AGBL1: variants seen among roughly 807,000 people sequenced by gnomAD.
AGBL1 encodes the protein cytosolic carboxypeptidase 4.
A neutral mutation model predicts 118.9 loss-of-function variants in AGBL1; 130 were observed. The observed-to-expected ratio is 1.09, with a 90% CI of 0.95 to 1.26. The LOEUF (loss-of-function observed/expected upper bound fraction) is 1.26. Among genes scored for constraint, AGBL1 ranks in the 50% most tolerant of loss-of-function variants. The pLI is 0.00. For synonymous variants in AGBL1, 555 were observed against 478.9 expected (o/e 1.16, Z -2.08); for missense variants, 1,584 against 1,298.1 (o/e 1.22, Z -3.38).
At chr15:86,984,644 G>C (rs2117079) in intron 23 of AGBL1, among the ~76,000 whole-genome samples, 123,683 of 152,052 alleles carry the variant, frequency 0.81, 50,938 homozygotes, top group South Asian at 0.94. Context: ...GGTTACAGGC[G>C]TGAGCCACCA....
chr15:86,134,758 C>T (rs1242022687), intron 1 of AGBL1, among the ~76,000 whole-genome samples: 2 of 151,678 alleles, frequency 1.3e-5, no homozygotes, highest in East Asian at 3.9e-4. Context: ...GGATTACAGG[C>T]ACGTGCCACT....
At chr15:86,781,101 T>C (rs1421946579) in intron 22 of AGBL1, among the ~76,000 whole-genome samples, 1 of 152,252 alleles carries the variant, frequency 6.6e-6, no homozygotes, top group Non-Finnish European at 1.5e-5. Context: ...TTGTATTTAT[T>C]TGTTAATTCT....
chr15:86,546,823 T>G (rs1478215630), intron 20 of AGBL1, among the ~76,000 whole-genome samples: 1 of 152,176 alleles, frequency 6.6e-6, no homozygotes, highest in African/African-American at 2.4e-5. Context: ...ATAATGAGAA[T>G]CAGGAAGAAG....
chr15:86,471,594 A>T (rs1039612808), intron 18 of AGBL1, among the ~76,000 whole-genome samples: 8 of 151,252 alleles, frequency 5.3e-5, no homozygotes, highest in African/African-American at 9.7e-5. Flanking sequence ...CTCCTCTTCA[A>T]TTTTTTTGTA....
intron 5 of AGBL1, among the ~76,000 whole-genome samples, chr15:86,196,921 ACACACG>A (rs1176561975): frequency 4.7e-4 from 71 of 150,378 alleles, no homozygotes; most frequent in African/African-American, 1.7e-3. Flanking sequence ...ACACACACAC[ACACACG>A]AAAGGCCATA....
chr15:86,390,944 A>G (rs558179273), intron 17 of AGBL1, among the ~76,000 whole-genome samples: 1 of 151,722 alleles, frequency 6.6e-6, no homozygotes, highest in South Asian at 2.1e-4. Flanking sequence ...TGCTGGTATT[A>G]CAGGCGTGAG....
At chr15:86,644,085 T>C (rs1463708353) in intron 21 of AGBL1, among the ~76,000 whole-genome samples, 1 of 152,246 alleles carries the variant, frequency 6.6e-6, no homozygotes, top group Non-Finnish European at 1.5e-5. Context: ...ACATTAAATA[T>C]ACTGTATGTC....
chr15:86,969,487 A>G (rs2081086100), intron 23 of AGBL1, among the ~76,000 whole-genome samples: 1 of 151,768 alleles, frequency 6.6e-6, no homozygotes. Context: ...ATACATGCAT[A>G]TGTATGTGAA....
chr15:86,825,502 G>C (rs2078996186), intron 22 of AGBL1, among the ~76,000 whole-genome samples: 1 of 143,590 alleles, frequency 7.0e-6, no homozygotes, highest in African/African-American at 2.6e-5. Flanking sequence ...AACAGTAAAA[G>C]TTCAAACTGT....
At chr15:86,377,821 T>G (rs2081060597) in intron 17 of AGBL1, among the ~76,000 whole-genome samples, 1 of 152,196 alleles carries the variant, frequency 6.6e-6, no homozygotes, top group Non-Finnish European at 1.5e-5. Context: ...ATCTTTGATT[T>G]CTCTGTTTTT....
At chr15:86,095,586 T>C (rs563589669) in intron 1 of AGBL1, among the ~76,000 whole-genome samples, 1 of 150,522 alleles carries the variant, frequency 6.6e-6, no homozygotes, top group East Asian at 2.0e-4. Context: ...TGCCAGGAAC[T>C]GGGGATGAAG....
At chr15:86,773,682 C>A (rs905426104) in intron 22 of AGBL1, among the ~76,000 whole-genome samples, 1 of 151,916 alleles carries the variant, frequency 6.6e-6, no homozygotes, top group African/African-American at 2.4e-5. Flanking sequence ...TACAATTAGC[C>A]TTCATGCACT....
intron 10 of AGBL1, 41 bp downstream of exon 10, chr15:86,262,935 A>T: frequency 6.8e-7 from 1 of 1,476,420 alleles, no homozygotes; most frequent in South Asian, 1.2e-5. Context: ...ACGATGCATG[A>T]TGGGTTCTTT....
intron 21 of AGBL1, among the ~76,000 whole-genome samples, chr15:86,623,396 C>T (rs1022505898): frequency 6.6e-6 from 1 of 152,164 alleles, no homozygotes; most frequent in Non-Finnish European, 1.5e-5. Flanking sequence ...TTCAGAAGGG[C>T]AGTCTGCAGT....
At chr15:86,641,066 G>A (rs2142467666) in intron 21 of AGBL1, among the ~76,000 whole-genome samples, 1 of 151,614 alleles carries the variant, frequency 6.6e-6, no homozygotes, top group South Asian at 2.1e-4. Flanking sequence ...GAGTCCTAAT[G>A]TTTTCCTTCT....
At chr15:86,407,630 G>A (rs1324099000) in intron 18 of AGBL1, among the ~76,000 whole-genome samples, 2 of 152,134 alleles carry the variant, frequency 1.3e-5, no homozygotes, top group African/African-American at 4.8e-5. Flanking sequence ...TATGATTTTT[G>A]TTGAACTTGT....
intron 17 of AGBL1, among the ~76,000 whole-genome samples, chr15:86,392,523 T>C (rs945318109): frequency 1.3e-5 from 2 of 152,186 alleles, no homozygotes; most frequent in Admixed American, 6.5e-5. Context: ...TCTTGTAATC[T>C]ACAGAACCCT....
At chr15:86,296,668 A>G (rs183690904) in intron 17 of AGBL1, 4 of 152,320 alleles carry the variant, frequency 2.6e-5, no homozygotes, top group Non-Finnish European at 5.9e-5. Flanking sequence ...ACCCATCTGG[A>G]TTAATGAGGC....
chr15:86,838,941 TAAAAAAAAA>T (rs386383698), intron 22 of AGBL1, among the ~76,000 whole-genome samples: 82 of 48,014 alleles, frequency 1.7e-3, no homozygotes, highest in African/African-American at 6.1e-3. Context: ...TGAGATCCTG[TAAAAAAAAA>T]AAAAAAAAAA....
Sources: gnomAD v4.1 joint callset for allele counts (sites outside exome capture counted in the v4.1 genomes callset) on GRCh38, gnomAD v4.1.1 for gene constraint, MANE v1.5 for transcripts, NCBI Gene and HGNC (gene_info 2026-07-23, HGNC 2026-07-21) for gene names.